Variants in AQP8 observed in about 807,000 individuals in gnomAD.
AQP8 encodes the protein aquaporin-8.
A neutral mutation model predicts 26.1 loss-of-function variants in AQP8; 14 were observed. That is an observed-to-expected ratio of 0.54 (90% CI 0.35 to 0.84). The LOEUF is 0.84. AQP8 is among the 40% of genes least tolerant of loss of function. The pLI, the probability that AQP8 is intolerant of heterozygous loss-of-function variation, is 0.01. For synonymous variants in AQP8, 131 were observed against 150.7 expected (o/e 0.87, Z 0.96); for missense variants, 301 against 340.5 (o/e 0.88, Z 0.91).
At position 25,228,856 on chromosome 16, in the gene AQP8, T is replaced by C. The variant is rs1260415180; in HGVS notation, c.*364T>C. ...CCCCATTTCTTGCTTGATTGCTTTG[T>C]TGGGGGCCTGGCCACTTCCTTGCTT... On this transcript the variant is annotated 3_prime_UTR_variant, in exon 6 of 6. Coordinates refer to ENST00000219660, the MANE Select transcript of AQP8 (RefSeq NM_001169.3). 5.3e-6 allele frequency: 1 copy of C among 188,764 alleles called. No homozygotes were observed. Among genetic ancestry groups the C allele is most frequent in the East Asian group, 1.4e-4 (1 of 7,326 alleles). The allele number at this position is 188,764 out of a possible 1,614,324, so 11.7% of individuals were successfully genotyped here. A position where few individuals can be genotyped will look rare whatever the true frequency, so the allele number is the denominator to read the frequency against.
Position 25,228,542 on chromosome 16 carries a change from TCCCAGA to T in AQP8, c.*52_*57del. On this transcript the variant is annotated 3_prime_UTR_variant, in exon 6 of 6. Transcript: ENST00000219660. Reference sequence around the variant, plus strand: ...GCTCCAGGTGTCCTCAGCTCACCTGTCCCAGACTGAGGACAGGGGAGTTCCTGCATT... The same window carrying T: ...GCTCCAGGTGTCCTCAGCTCACCTGTCTGAGGACAGGGGAGTTCCTGCATT... 1 of 1,596,986 alleles carries T rather than the reference TCCCAGA, an allele frequency of 6.3e-7. No individual in the cohort carries two copies. Among genetic ancestry groups the T allele is most frequent in the Non-Finnish European group, 8.6e-7 (1 of 1,164,658 alleles).
Position 25,217,083 on chromosome 16 carries a change from C to T in AQP8, c.12+26C>T, listed in dbSNP as rs73551009. On this transcript the variant is annotated intron_variant, in intron 1 of 5. Transcript: ENST00000219660. ...GTGAGCCCTCTGTCGGCATCTTCCT[C>T]TCCAGGCTGGCAGAGCAAGGGGGGC... 1.2e-3 allele frequency: 1,907 copies of T among 1,613,942 alleles called. 26 individuals carry two copies. In the African/African-American group the frequency reaches 0.023, roughly 19 times the overall value.
Position 25,219,763 on chromosome 16 carries a change from G to T in AQP8, c.261-1694G>T, listed in dbSNP as rs1454523716. On this transcript the variant is annotated intron_variant, in intron 2 of 5. Transcript: ENST00000219660. Reference sequence around the variant, plus strand: ...TTCAAACCATGCATGGAGGTCAGGCGCAGTGGCTCACGCCTGTAATCCCAG... The same window carrying T: ...TTCAAACCATGCATGGAGGTCAGGCTCAGTGGCTCACGCCTGTAATCCCAG... 1.3e-5 allele frequency among the ~76,000 whole-genome samples: 2 copies of T among 151,322 alleles called. 1 individual carries two copies. Among genetic ancestry groups the T allele is most frequent in the Non-Finnish European group, 2.9e-5 (2 of 67,798 alleles).
At position 25,228,503 on chromosome 16, in the gene AQP8, G is replaced by T; in HGVS notation, c.*11G>T. ...CTGAAGGCTCGGTGAAGCAGAGCTCGTGGGATTCCTGCTGCTCCAGGTGTC... is the reference window on the plus strand; with the variant it reads ...CTGAAGGCTCGGTGAAGCAGAGCTCTTGGGATTCCTGCTGCTCCAGGTGTC... On this transcript the variant is annotated 3_prime_UTR_variant, in exon 6 of 6. Transcript: ENST00000219660. 1 of 1,613,938 alleles carries T rather than the reference G, an allele frequency of 6.2e-7. No individual in the cohort carries two copies. The highest frequency in any genetic ancestry group is 8.5e-7 in the Non-Finnish European group (1 of 1,179,834).
chr16:25,227,687 C>T (rs1425284782), intron 5 of AQP8, among the ~76,000 whole-genome samples: 60 of 152,016 alleles, frequency 3.9e-4, no homozygotes, highest in Non-Finnish European at 2.9e-5. Context: ...GGGTTTTCAC[C>T]GTGTTGACCA....
At position 25,228,583 on chromosome 16, in the gene AQP8, G is replaced by A. The variant is rs1238708123; in HGVS notation, c.*91G>A. The A allele has an allele frequency of 1.4e-6, 2 of 1,445,822 alleles. No individual in the cohort carries two copies. Among genetic ancestry groups the A allele is most frequent in the African/African-American group, 2.8e-5 (2 of 71,692 alleles). 89.6% of individuals were successfully genotyped at this position (1,445,822 alleles called of 1,614,324 possible). ...GGGGAGTTCCTGCATTTCCTGCCAG[G>A]GCAGAGGCCCAGAGGAGCGACCCCC... On this transcript the variant is annotated 3_prime_UTR_variant, in exon 6 of 6. Transcript: ENST00000219660.
chr16:25,226,722 G>C (rs187586371), intron 4 of AQP8, among the ~76,000 whole-genome samples: 2 of 152,320 alleles, frequency 1.3e-5, no homozygotes, highest in African/African-American at 4.8e-5. Context: ...ATCTAGGTCA[G>C]CTTGACTCCA....
Position 25,228,757 on chromosome 16 carries a change from G to A in AQP8, c.*265G>A, listed in dbSNP as rs568633399. 2 of 352,234 alleles carry A rather than the reference G, an allele frequency of 5.7e-6. No homozygotes were observed. The highest frequency in any genetic ancestry group is 6.6e-5 in the South Asian group (1 of 15,064). 21.8% of individuals were successfully genotyped at this position (352,234 alleles called of 1,614,324 possible). A position where few individuals can be genotyped will look rare whatever the true frequency, so the allele number is the denominator to read the frequency against. The stretch of plus-strand genomic sequence containing the variant: ...GAGAGCAGTGCAAACACCACAACAC[G>A]AGCGTGTTTCTTGAGAGGAATGTCC... On this transcript the variant is annotated 3_prime_UTR_variant, in exon 6 of 6. Transcript: ENST00000219660.
intron 4 of AQP8, among the ~76,000 whole-genome samples, chr16:25,225,347 C>T (rs1437387707): frequency 6.6e-6 from 1 of 152,196 alleles, no homozygotes; most frequent in Non-Finnish European, 1.5e-5. Flanking sequence ...CAAGTCTAAC[C>T]TTTCTCCTGG....
At chr16:25,217,570 T>C (rs1041964722) in intron 2 of AQP8, 125 bp downstream of exon 2, 9 of 1,362,450 alleles carry the variant, frequency 6.6e-6, no homozygotes, top group Admixed American at 2.2e-5. Flanking sequence ...TCTGGATAAC[T>C]ATGGGGTTGG....
chr16:25,222,901 T>C (rs1420693681), intron 3 of AQP8, among the ~76,000 whole-genome samples: 2 of 152,194 alleles, frequency 1.3e-5, no homozygotes, highest in Non-Finnish European at 2.9e-5. Flanking sequence ...GTGGCCAGAC[T>C]CGAGCTCAAG....
At chr16:25,224,612 G>A in intron 4 of AQP8, 36 bp downstream of exon 4, 1 of 1,589,302 alleles carries the variant, frequency 6.3e-7, no homozygotes, top group Non-Finnish European at 8.5e-7. Context: ...ACCATGCCCA[G>A]ATCTGTGCTG....
chr16:25,217,531 G>A (rs547924252), intron 2 of AQP8, 86 bp downstream of exon 2: 34 of 1,534,894 alleles, frequency 2.2e-5, no homozygotes, highest in Non-Finnish European at 2.1e-5. Context: ...ACCCCTGGGC[G>A]CATACGTATT....
chr16:25,226,565 A>G (rs533934817), intron 4 of AQP8, among the ~76,000 whole-genome samples: 16 of 152,202 alleles, frequency 1.1e-4, no homozygotes, highest in African/African-American at 3.9e-4. Flanking sequence ...CTGAGGTTAC[A>G]TGAGATGTTT....
intron 4 of AQP8, among the ~76,000 whole-genome samples, chr16:25,226,645 T>C (rs2141347504): frequency 6.6e-6 from 1 of 152,380 alleles, no homozygotes; most frequent in South Asian, 2.1e-4. Flanking sequence ...AAGCATTTAT[T>C]CTTTGGGTCA....
In AQP8 at chr16:25,224,466, G is replaced by A. The variant is rs376283981; in HGVS notation, c.492G>A (p.Leu164=). The A allele has an allele frequency of 3.7e-6, 6 of 1,614,172 alleles. No individual in the cohort carries two copies. The highest frequency in any genetic ancestry group is 5.1e-6 in the Non-Finnish European group (6 of 1,180,026). The change falls in exon 4 of 6, where the codon CTG becomes CTA. Residue 164 remains leucine, a synonymous_variant. Transcript: ENST00000219660. ...GGGCGTTGGTGGCAGAGATCATCCT[G>A]ACGACGCTGCTGGCCCTGGCTGTAT... The part of the protein sequence containing the change: ...VAGALVAEII[L]TTLLALAVCM...
chr16:25,226,154 C>CA (rs1391692172), intron 4 of AQP8, among the ~76,000 whole-genome samples: 17 of 152,330 alleles, frequency 1.1e-4, no homozygotes, highest in African/African-American at 3.8e-4. Context: ...TACAGGCATG[C>CA]AATGCATAAT....
intron 2 of AQP8, among the ~76,000 whole-genome samples, chr16:25,220,765 C>G (rs1231330403): frequency 6.6e-6 from 1 of 152,084 alleles, no homozygotes; most frequent in Non-Finnish European, 1.5e-5. Context: ...TAAAGGGAGA[C>G]CCGGGCCGGG....
intron 2 of AQP8, among the ~76,000 whole-genome samples, chr16:25,217,967 T>C (rs1011513826): frequency 3.9e-5 from 6 of 152,206 alleles, no homozygotes; most frequent in Non-Finnish European, 8.8e-5. Flanking sequence ...TAGATATTAG[T>C]TATTTAATCC....
Sources: allele counts gnomAD v4.1 joint callset (sites outside exome capture counted in the v4.1 genomes callset), GRCh38; gene constraint gnomAD v4.1.1; transcripts MANE v1.5; gene names NCBI Gene and HGNC (gene_info 2026-07-23, HGNC 2026-07-21).